NFATC2: variants seen among roughly 807,000 people sequenced by gnomAD.
The protein encoded by NFATC2 is nuclear factor of activated T-cells, cytoplasmic 2.
A neutral mutation model predicts 87.3 loss-of-function variants in NFATC2; 22 were observed. The observed-to-expected ratio is 0.25, with a 90% CI of 0.18 to 0.36. NFATC2 has a LOEUF of 0.36. Among genes scored for constraint, NFATC2 ranks in the 10% least tolerant of loss-of-function variants. The pLI is 1.00. For missense variants in NFATC2, 1,149 were observed against 1,259.1 expected (o/e 0.91, Z 1.32); for synonymous variants, 565 against 542.2 (o/e 1.04, Z -0.58).
intron 9 of NFATC2, among the ~76,000 whole-genome samples, chr20:51,420,329 C>T (rs1980692933): frequency 6.6e-6 from 1 of 152,192 alleles, no homozygotes; most frequent in Non-Finnish European, 1.5e-5. Flanking sequence ...CACGTACCTC[C>T]TGTCAGAAGG....
intron 3 of NFATC2, among the ~76,000 whole-genome samples, chr20:51,501,758 T>A (rs1265326884): frequency 2.0e-5 from 3 of 152,188 alleles, no homozygotes; most frequent in Admixed American, 2.0e-4. Flanking sequence ...GAAGCCCACC[T>A]CCACGAGAGC....
At position 51,532,566 on chromosome 20, in the gene NFATC2, C is replaced by T. The variant is rs544856286; in HGVS notation, c.131-8456G>A. 2.0e-5 allele frequency among the ~76,000 whole-genome samples: 3 copies of T among 152,338 alleles called. No homozygotes were observed. In the East Asian group the frequency reaches 5.8e-4, roughly 29 times the overall value. On this transcript the variant is annotated intron_variant, in intron 1 of 10. Coordinates refer to ENST00000371564, the MANE Select transcript of NFATC2 (RefSeq NM_012340.5). The stretch of plus-strand genomic sequence containing the variant: ...AGTCAAAGATTATTTTAAAAATCCA[C>T]TCAGGCCACACAGTGGTCCCCGCCA...
intron 1 of NFATC2, among the ~76,000 whole-genome samples, chr20:51,539,931 A>G (rs2076779395): frequency 6.6e-6 from 1 of 152,238 alleles, no homozygotes; most frequent in Non-Finnish European, 1.5e-5. Context: ...AATGCCTTCC[A>G]AAGAGTTTGA....
chr20:51,426,991 T>A (rs964724837), intron 9 of NFATC2, among the ~76,000 whole-genome samples: 9 of 152,084 alleles, frequency 5.9e-5, no homozygotes, highest in East Asian at 1.9e-4. Context: ...ATACTCTCTC[T>A]CACACACACA....
intron 9 of NFATC2, among the ~76,000 whole-genome samples, chr20:51,403,272 T>C (rs1258972723): frequency 1.3e-5 from 2 of 152,232 alleles, no homozygotes; most frequent in East Asian, 3.8e-4. Flanking sequence ...TTTCTCAAGA[T>C]CTGAGTAGGG....
intron 3 of NFATC2, among the ~76,000 whole-genome samples, chr20:51,515,803 ATTTG>A (rs1186112059): frequency 6.6e-6 from 1 of 151,882 alleles, no homozygotes; most frequent in African/African-American, 2.4e-5. Context: ...GCTGTTTTTC[ATTTG>A]TTTGTTTGTT....
At chr20:51,540,663 T>TTTTTTTTTTTTTTTTG (rs1555818354) in intron 1 of NFATC2, among the ~76,000 whole-genome samples, 1 of 135,692 alleles carries the variant, frequency 7.4e-6, no homozygotes, top group African/African-American at 2.8e-5. Context: ...TTTTTGTTTT[T>TTTTTTTTTTTTTTTTG]TTTTTTTTGA....
chr20:51,442,837 G>A (rs887748510), intron 6 of NFATC2, among the ~76,000 whole-genome samples: 6 of 151,850 alleles, frequency 4.0e-5, no homozygotes, highest in Non-Finnish European at 8.8e-5. Flanking sequence ...ACTCAGCTCC[G>A]GCACAGCTGT....
chr20:51,562,665 G>C, upstream of NFATC2: 1 of 1,541,912 alleles, frequency 6.5e-7, no homozygotes, highest in East Asian at 2.5e-5. This position sits in a 1 kb window ranked among gnomAD's most constrained non-coding sequence, Gnocchi z 5.8. Context: ...TGTTTGGAAA[G>C]GGGGATCTGT....
chr20:51,496,429 A>G (rs1453101703), intron 3 of NFATC2, among the ~76,000 whole-genome samples: 1 of 147,268 alleles, frequency 6.8e-6, no homozygotes, highest in Non-Finnish European at 1.5e-5. Flanking sequence ...TCCTGCAACC[A>G]CCCCCCGCCC....
Position 51,562,333 on chromosome 20 carries a change from C to A in NFATC2, c.70+227G>T, listed in dbSNP as rs1294752621. On this transcript the variant is annotated intron_variant, in intron 1 of 10. Coordinates refer to the NFATC2 transcript ENST00000414705. The surrounding 1 kb of genome is among the most constrained non-coding windows in gnomAD (Gnocchi z 5.8). The stretch of plus-strand genomic sequence containing the variant: ...ATCCCGGCCTGGGACACTTCCCTGC[C>A]CCCGCGTAAAGTTGTCCAAAGTCGC... Among the ~76,000 whole-genome samples, 3 of 152,192 alleles carry A rather than the reference C, an allele frequency of 2.0e-5. No individual in the cohort carries two copies. The highest frequency in any genetic ancestry group is 4.4e-5 in the Non-Finnish European group (3 of 68,036).
chr20:51,423,956 T>G (rs1981361212), intron 9 of NFATC2, among the ~76,000 whole-genome samples: 1 of 152,106 alleles, frequency 6.6e-6, no homozygotes, highest in African/African-American at 2.4e-5. Flanking sequence ...GGAACGTAGC[T>G]CTCTTACATA....
Position 51,480,857 on chromosome 20 carries a change from A to G in NFATC2, c.1333-5197T>C, listed in dbSNP as rs1471603716. On this transcript the variant is annotated intron_variant, in intron 3 of 10. Transcript: ENST00000371564. The surrounding 1 kb of genome is among the most constrained non-coding windows in gnomAD (Gnocchi z 4.2). ...GTCATCGGAGGATGACGCAAATCGA[A>G]ACAGGGAGGTGATATTACAGAACTG... is the stretch of plus-strand genomic sequence containing the variant. Among the ~76,000 whole-genome samples the G allele has an allele frequency of 6.6e-6, 1 of 152,200 alleles. No homozygotes were observed. The highest frequency in any genetic ancestry group is 6.5e-5 in the Admixed American group (1 of 15,282).
intron 5 of NFATC2, among the ~76,000 whole-genome samples, chr20:51,462,698 C>T (rs1163931137): frequency 6.6e-6 from 1 of 152,114 alleles, no homozygotes; most frequent in African/African-American, 2.4e-5. Context: ...ATTAAATGAG[C>T]TAATCCATGG....
At chr20:51,474,933 C>T (rs750247661) in intron 4 of NFATC2, among the ~76,000 whole-genome samples, 1 of 151,726 alleles carries the variant, frequency 6.6e-6, no homozygotes, top group Non-Finnish European at 1.5e-5. Context: ...TTCTTCCTCC[C>T]GAGGCACATG....
At chr20:51,414,024 T>C (rs1979668990) in intron 9 of NFATC2, among the ~76,000 whole-genome samples, 1 of 152,224 alleles carries the variant, frequency 6.6e-6, no homozygotes. Flanking sequence ...TTTTAAATCA[T>C]TTTAAACCCA....
intron 9 of NFATC2, among the ~76,000 whole-genome samples, chr20:51,403,481 C>T (rs943959977): frequency 2.0e-5 from 3 of 152,030 alleles, no homozygotes; most frequent in South Asian, 4.1e-4. Flanking sequence ...CTTGATCAAA[C>T]CTTTCACCTA....
At chr20:51,506,430 A>G (rs2076181174) in intron 3 of NFATC2, among the ~76,000 whole-genome samples, 3 of 152,214 alleles carry the variant, frequency 2.0e-5, no homozygotes, top group African/African-American at 7.2e-5. Flanking sequence ...GACATTCGCA[A>G]TGTCTCCCAG....
intron 6 of NFATC2, among the ~76,000 whole-genome samples, chr20:51,438,490 A>G (rs1003751522): frequency 2.6e-5 from 4 of 151,928 alleles, no homozygotes; most frequent in African/African-American, 9.7e-5. Flanking sequence ...AATGGGGAAG[A>G]AAGGGAGAAA....
Sources: allele counts gnomAD v4.1 joint callset (sites outside exome capture counted in the v4.1 genomes callset), GRCh38; gene constraint gnomAD v4.1.1; non-coding constraint Gnocchi (gnomAD v3.1); transcripts MANE v1.5; gene names NCBI Gene and HGNC (gene_info 2026-07-23, HGNC 2026-07-21).